The following LRP1B variants were observed in gnomAD, a reference collection of about 807,000 sequenced individuals.
The protein encoded by LRP1B is low-density lipoprotein receptor-related protein 1B.
Under a neutral mutation model 556.6 loss-of-function variants are expected in LRP1B, and 217 were observed. The observed-to-expected ratio is 0.39, with a 90% confidence interval of 0.35 to 0.44. LRP1B has a LOEUF of 0.44. Ranked by LOEUF, LRP1B falls within the 20% of genes least tolerant of loss-of-function variation. The probability of loss-of-function intolerance (pLI) is 1.00; values close to 1 mark genes in which losing one functional copy is unlikely to be tolerated. For missense variants in LRP1B, 5,053 were observed against 5,620.8 expected, an observed-to-expected ratio of 0.90 and a Z score of 3.23; for synonymous variants, 2,047 against 1,865.8, an observed-to-expected ratio of 1.10 and a Z score of -2.50.
intron 86 of LRP1B, among the ~76,000 whole-genome samples, chr2:140,261,651 C>T (rs1681946882): frequency 6.6e-6 from 1 of 151,790 alleles, no homozygotes; most frequent in Admixed American, 6.6e-5. Context: ...GAACACTGGG[C>T]ACCCATTAAA....
rs188869717 is a variant in LRP1B, at chr2:142,026,801, A to G, written c.82+103847T>C. ...ACTTTGGCCAATTACATAAAAATAT[A>G]AACATATTTTTGTTTTCAAGTATGT... On this transcript the variant is annotated intron_variant, in intron 1 of 90. Transcript: ENST00000389484. Among the ~76,000 whole-genome samples, 294 of 150,632 alleles carry G rather than the reference A, an allele frequency of 2.0e-3. 1 individual carries two copies. The highest frequency in any genetic ancestry group is 3.4e-3 in the Middle Eastern group (1 of 294).
intron 59 of LRP1B, among the ~76,000 whole-genome samples, chr2:140,483,631 TATATA>T (rs1688338674): frequency 2.1e-5 from 1 of 47,108 alleles, no homozygotes; most frequent in Admixed American, 3.5e-4. Flanking sequence ...TATATATATA[TATATA>T]TATATTTTTT....
rs572868182 is a variant in LRP1B, at chr2:140,439,662, A to C, written c.10414+2842T>G. On this transcript the variant is annotated intron_variant, in intron 66 of 90. Coordinates refer to ENST00000389484, the MANE Select transcript of LRP1B (RefSeq NM_018557.3). ...TTATATATTTAATTTAATTTTTAAA[A>C]TTTATATCCAAAGTCTCACCAAGAC... Among the ~76,000 whole-genome samples, 7 of 152,142 alleles carry C rather than the reference A, an allele frequency of 4.6e-5. No homozygotes were observed. The South Asian group carries it at 1.4e-3, about 31-fold the overall frequency.
chr2:140,790,048 T>C (rs1314024770), intron 32 of LRP1B, among the ~76,000 whole-genome samples: 1 of 152,110 alleles, frequency 6.6e-6, no homozygotes, highest in Non-Finnish European at 1.5e-5. Flanking sequence ...AGGAAAAGCC[T>C]CTGGGAAGCT....
intron 1 of LRP1B, among the ~76,000 whole-genome samples, chr2:142,127,367 A>AATCCATCC (rs71391674): frequency 0.14 from 20,912 of 150,042 alleles, 2,378 homozygotes; most frequent in African/African-American, 0.31. Context: ...TGTATGGCAG[A>AATCCATCC]ATCCATCCAT....
At chr2:142,014,273 AC>A (rs1000121103) in intron 1 of LRP1B, among the ~76,000 whole-genome samples, 1 of 151,516 alleles carries the variant, frequency 6.6e-6, no homozygotes, top group Non-Finnish European at 1.5e-5. Flanking sequence ...CTGAATTGGG[AC>A]CCCTTTCCTG....
intron 3 of LRP1B, among the ~76,000 whole-genome samples, chr2:141,352,319 C>T (rs1688475698): frequency 6.6e-6 from 1 of 151,792 alleles, no homozygotes; most frequent in East Asian, 1.9e-4. Flanking sequence ...AAATATTTAT[C>T]CATAGAAATG....
chr2:141,251,371 T>C (rs1684253504), intron 4 of LRP1B, among the ~76,000 whole-genome samples: 1 of 152,014 alleles, frequency 6.6e-6, no homozygotes, highest in Non-Finnish European at 1.5e-5. Context: ...ATAAGATAAT[T>C]GGGAAAGTAA....
chr2:140,949,549 ATGT>A (rs1695642238), intron 20 of LRP1B, among the ~76,000 whole-genome samples: 1 of 150,962 alleles, frequency 6.6e-6, no homozygotes, highest in South Asian at 2.1e-4. Flanking sequence ...ATGTAAACAA[ATGT>A]TGTATGGAAA....
At chr2:141,684,121 A>C (rs1160462565) in intron 2 of LRP1B, among the ~76,000 whole-genome samples, 5 of 152,162 alleles carry the variant, frequency 3.3e-5, no homozygotes, top group Non-Finnish European at 7.3e-5. Context: ...CCAAAGGATT[A>C]TAAATCATTC....
intron 83 of LRP1B, among the ~76,000 whole-genome samples, chr2:140,306,868 A>T (rs1455029394): frequency 1.3e-5 from 2 of 152,014 alleles, no homozygotes; most frequent in Non-Finnish European, 2.9e-5. Context: ...CTTTGTTCTC[A>T]TTGGTTCCAA....
intron 3 of LRP1B, among the ~76,000 whole-genome samples, chr2:141,343,620 T>A (rs1326891324): frequency 6.6e-6 from 1 of 152,186 alleles, no homozygotes. Flanking sequence ...CTAGATCTAA[T>A]TTTTCCACAT....
rs1172668136 is a variant in LRP1B at position 141,058,912 on chromosome 2, C to T, written c.1379G>A (p.Arg460Gln). The T allele has an allele frequency of 1.3e-5, 20 of 1,588,678 alleles. No homozygotes were observed. Among genetic ancestry groups the T allele is most frequent in the South Asian group, 3.5e-5 (3 of 85,380 alleles). ...TGGTTGAGTTCTTTTTTGATAAATT[C>T]GGATTCCCCAAGCATTCTCAATTTT... ...LIKIENAWGI[R>Q]IYQKRTQPTV... is the part of the protein sequence containing the mutation. The change falls in exon 9 of 91, where the codon CGA becomes CAA. Residue 460 changes from arginine to glutamine, a missense_variant. By Grantham distance (43) the Arg-to-Gln change is conservative. Around this residue, in one of 5 missense-constraint regions of LRP1B, gnomAD observed 3,619 missense variants for 3,931.9 expected, o/e 0.92. Transcript: ENST00000389484.
intron 88 of LRP1B, 128 bp from the exon 89 acceptor site, chr2:140,238,424 CAG>C (rs974565292): frequency 1.9e-5 from 10 of 519,236 alleles, no homozygotes; most frequent in African/African-American, 5.9e-5. Context: ...TGTCAAGTAA[CAG>C]AGGAACAAAA....
intron 27 of LRP1B, among the ~76,000 whole-genome samples, chr2:140,865,952 T>G (rs2105149550): frequency 6.6e-6 from 1 of 152,192 alleles, no homozygotes; most frequent in South Asian, 2.1e-4. Flanking sequence ...TTCTATGAAT[T>G]TACTAAGGGT....
Position 141,307,268 on chromosome 2 carries a change from G to A in LRP1B, c.344-52627C>T, listed in dbSNP as rs1573782022. 2.0e-5 allele frequency among the ~76,000 whole-genome samples: 3 copies of A among 151,688 alleles called. No homozygotes were observed. The South Asian group carries it at 6.3e-4, about 32-fold the overall frequency. On this transcript the variant is annotated intron_variant, in intron 3 of 90. Transcript: ENST00000389484. ...TCTGCCTTTAGATTTAATAATATTT[G>A]CTTTATATATCTGGGTACTCCAGTG...
At chr2:141,661,963 T>C (rs1376980902) in intron 2 of LRP1B, among the ~76,000 whole-genome samples, 1 of 152,096 alleles carries the variant, frequency 6.6e-6, no homozygotes, top group African/African-American at 2.4e-5. Flanking sequence ...GGAAAGTCTG[T>C]CAGAATAACA....
intron 7 of LRP1B, among the ~76,000 whole-genome samples, chr2:141,101,959 T>C (rs1183508291): frequency 3.3e-5 from 5 of 152,174 alleles, no homozygotes; most frequent in African/African-American, 9.6e-5. Flanking sequence ...CTGAATTAGA[T>C]GAGATGACAC....
chr2:141,568,908 C>T (rs1464138222), intron 2 of LRP1B, among the ~76,000 whole-genome samples: 3 of 143,304 alleles, frequency 2.1e-5, no homozygotes, highest in African/African-American at 7.4e-5. Context: ...TGTGTGCCAC[C>T]ATGCCCAGTT....
Sources: allele counts gnomAD v4.1 joint callset (sites outside exome capture counted in the v4.1 genomes callset), GRCh38; gene constraint gnomAD v4.1.1; regional missense constraint gnomAD v4.1.1; transcripts MANE v1.5; gene names NCBI Gene and HGNC (gene_info 2026-07-23, HGNC 2026-07-21).